SRRM4: variants seen among roughly 807,000 people sequenced by gnomAD.
The protein encoded by SRRM4 is serine/arginine repetitive matrix 4.
Under a neutral mutation model 68.9 loss-of-function variants are expected in SRRM4, and 33 were observed. The ratio of observed to expected loss-of-function variants is 0.48; its 90% CI spans 0.36 to 0.64. The LOEUF (loss-of-function observed/expected upper bound fraction) is 0.64, where lower values mean the gene tolerates loss of function less well. SRRM4 is among the 30% of genes least tolerant of loss of function. SRRM4 has a pLI of 0.00. For missense variants in SRRM4, 817 were observed against 827.1 expected (o/e 0.99, Z 0.15); for synonymous variants, 318 against 318.8 (o/e 1.00, Z 0.03).
At chr12:119,127,554 C>A (rs1358783813) in intron 7 of SRRM4, among the ~76,000 whole-genome samples, 2 of 152,042 alleles carry the variant, frequency 1.3e-5, no homozygotes, top group East Asian at 3.9e-4. Flanking sequence ...ATAGTGAAAC[C>A]TTGTCTCTAT....
At chr12:119,056,582 T>G (rs1205991317) in intron 1 of SRRM4, among the ~76,000 whole-genome samples, 1 of 152,166 alleles carries the variant, frequency 6.6e-6, no homozygotes, top group Non-Finnish European at 1.5e-5. Flanking sequence ...CCTTTCCCAT[T>G]TTTCTCAAGT....
At chr12:119,037,701 A>G (rs889105562) in intron 1 of SRRM4, among the ~76,000 whole-genome samples, 3 of 152,160 alleles carry the variant, frequency 2.0e-5, no homozygotes, top group Non-Finnish European at 4.4e-5. Context: ...CATGTGGTGG[A>G]ACTGAAGCTG....
rs1953860760 is a variant in SRRM4 at position 119,068,751 on chromosome 12, C to T, written c.132-33485C>T. Among the ~76,000 whole-genome samples the T allele has an allele frequency of 1.3e-5, 2 of 151,924 alleles. 1 individual carries two copies. The highest frequency in any genetic ancestry group is 1.3e-4 in the Admixed American group (2 of 15,240). ...GAAACAGGTGATGGATTTCCAAAGC[C>T]AAGAGATAAAAGCACACTTGTTCCC... On this transcript the variant is annotated intron_variant, in intron 1 of 12. Coordinates refer to ENST00000267260, the MANE Select transcript of SRRM4 (RefSeq NM_194286.4).
intron 1 of SRRM4, among the ~76,000 whole-genome samples, chr12:119,056,557 T>C (rs1953777905): frequency 6.6e-6 from 1 of 152,216 alleles, no homozygotes; most frequent in African/African-American, 2.4e-5. Context: ...TGATCTTATC[T>C]TCTGCCTCTC....
chr12:119,156,378 T>C, intron 12 of SRRM4, 117 bp from the exon 13 acceptor site: 1 of 1,435,922 alleles, frequency 7.0e-7, no homozygotes, highest in Non-Finnish European at 9.2e-7. Flanking sequence ...GGGAGTATTT[T>C]TTCCTAAGGG....
At chr12:119,078,800 T>G (rs993577551) in intron 1 of SRRM4, among the ~76,000 whole-genome samples, 1 of 152,114 alleles carries the variant, frequency 6.6e-6, no homozygotes, top group African/African-American at 2.4e-5. Context: ...TGTAGTGGCA[T>G]GTGCCTGTAG....
At chr12:118,992,020 G>A (rs1411050628) in intron 1 of SRRM4, 1 of 152,168 alleles carries the variant, frequency 6.6e-6, no homozygotes, top group Non-Finnish European at 1.5e-5. Context: ...ACCATAGTGC[G>A]CATGTGTAAT....
intron 1 of SRRM4, among the ~76,000 whole-genome samples, chr12:119,045,830 G>C (rs971129329): frequency 4.6e-5 from 7 of 151,918 alleles, no homozygotes; most frequent in African/African-American, 1.7e-4. Flanking sequence ...CTGAGGTCAG[G>C]AGTTCAAGAC....
At chr12:119,024,315 C>A (rs1365009948) in intron 1 of SRRM4, among the ~76,000 whole-genome samples, 1 of 152,186 alleles carries the variant, frequency 6.6e-6, no homozygotes, top group Non-Finnish European at 1.5e-5. Flanking sequence ...CTGTCCTCAC[C>A]CAAGCTCACT....
chr12:118,992,312 C>T (rs1429335613), intron 1 of SRRM4: 1 of 152,160 alleles, frequency 6.6e-6, no homozygotes, highest in Non-Finnish European at 1.5e-5. Flanking sequence ...GTGACCCCAC[C>T]CACGCTGTGA....
intron 1 of SRRM4, among the ~76,000 whole-genome samples, chr12:119,080,161 T>A (rs939135850): frequency 2.6e-5 from 4 of 152,066 alleles, no homozygotes; most frequent in African/African-American, 4.8e-5. Context: ...GGGACCTCGG[T>A]GGTTCTACTC....
intron 1 of SRRM4, among the ~76,000 whole-genome samples, chr12:119,048,164 C>G (rs563525317): frequency 2.0e-5 from 3 of 152,252 alleles, no homozygotes; most frequent in South Asian, 4.1e-4. Flanking sequence ...GAATTAGAAC[C>G]CCTATTTTAC....
chr12:119,129,696 T>C (rs1954281861), intron 7 of SRRM4, among the ~76,000 whole-genome samples: 2 of 152,214 alleles, frequency 1.3e-5, no homozygotes. Flanking sequence ...CCTAAAGCAG[T>C]TCCAGGTACA....
intron 1 of SRRM4, among the ~76,000 whole-genome samples, chr12:119,065,141 G>C (rs1342198441): frequency 2.0e-5 from 3 of 152,074 alleles, no homozygotes; most frequent in Non-Finnish European, 4.4e-5. Flanking sequence ...ACTTGTCCAA[G>C]GCCACCCAGC....
intron 1 of SRRM4, among the ~76,000 whole-genome samples, chr12:119,040,857 C>T (rs190580643): frequency 6.6e-6 from 1 of 152,202 alleles, no homozygotes; most frequent in East Asian, 1.9e-4. Context: ...TCAAGCAATT[C>T]TCCTGCCTCA....
chr12:119,025,438 TTGTTTG>T (rs1224285108), intron 1 of SRRM4, among the ~76,000 whole-genome samples: 1 of 150,116 alleles, frequency 6.7e-6, no homozygotes, highest in African/African-American at 2.5e-5. Flanking sequence ...GTTTTTTTTT[TTGTTTG>T]TTTGTTTGTT....
intron 1 of SRRM4, among the ~76,000 whole-genome samples, chr12:119,068,052 A>G (rs1271424334): frequency 6.6e-6 from 1 of 152,232 alleles, no homozygotes; most frequent in Non-Finnish European, 1.5e-5. Context: ...GGAATGTCCA[A>G]GTGGGGACAG....
chr12:119,097,714 G>A (rs557366579), intron 1 of SRRM4, among the ~76,000 whole-genome samples: 2 of 152,228 alleles, frequency 1.3e-5, no homozygotes, highest in East Asian at 3.9e-4. Context: ...TCTGATTCCT[G>A]ACCCCTGTTG....
chr12:119,104,015 A>G (rs1487988038), intron 2 of SRRM4, among the ~76,000 whole-genome samples: 1 of 152,186 alleles, frequency 6.6e-6, no homozygotes, highest in Non-Finnish European at 1.5e-5. Context: ...AATAAAAAAT[A>G]AAAAATATTG....
Sources: gnomAD v4.1 joint callset for allele counts (sites outside exome capture counted in the v4.1 genomes callset) on GRCh38, gnomAD v4.1.1 for gene constraint, MANE v1.5 for transcripts, NCBI Gene and HGNC (gene_info 2026-07-23, HGNC 2026-07-21) for gene names.